DHX35: variants seen among roughly 807,000 people sequenced by gnomAD.
The protein encoded by DHX35 is probable ATP-dependent RNA helicase DHX35.
In DHX35, 84 loss-of-function variants were observed where a neutral mutation model predicts 99.6. The ratio of observed to expected loss-of-function variants is 0.84; its 90% CI spans 0.71 to 1.01. The LOEUF is 1.01. Ranked by LOEUF, DHX35 falls within the 50% of genes least tolerant of loss-of-function variation. The pLI is 0.00. For synonymous variants in DHX35, 331 were observed against 316.2 expected (o/e 1.05, Z -0.50); for missense variants, 852 against 888.5 (o/e 0.96, Z 0.52).
chr20:38,974,684 C>G (rs2086050454), intron 3 of DHX35, among the ~76,000 whole-genome samples: 1 of 152,066 alleles, frequency 6.6e-6, no homozygotes, highest in South Asian at 2.1e-4. Flanking sequence ...CTGATACATG[C>G]AGGAAGGAGA....
intron 13 of DHX35, among the ~76,000 whole-genome samples, chr20:39,014,602 T>G (rs906918530): frequency 5.3e-5 from 8 of 152,046 alleles, no homozygotes; most frequent in Middle Eastern, 3.2e-3. Context: ...AGAGGTAGTT[T>G]AAGATAGGGA....
chr20:39,014,799 G>A (rs2086756380), intron 13 of DHX35, 81 bp from the exon 14 acceptor site: 1 of 1,546,098 alleles, frequency 6.5e-7, no homozygotes, highest in African/African-American at 1.4e-5. Flanking sequence ...AGGGGAGAAT[G>A]GATTTGAAAA....
chr20:38,997,612 C>A (rs757658143), intron 8 of DHX35, among the ~76,000 whole-genome samples: 1 of 152,044 alleles, frequency 6.6e-6, no homozygotes, highest in Non-Finnish European at 1.5e-5. Context: ...CTTATCCTGT[C>A]CTTGCTGCTC....
At chr20:38,978,450 GA>G (rs2086117146) in intron 3 of DHX35, 8 of 571,530 alleles carry the variant, frequency 1.4e-5, no homozygotes, top group Middle Eastern at 5.1e-4. Flanking sequence ...TTAGGTGGGA[GA>G]GAAGGCGGAT....
chr20:39,027,869 T>C (rs1427535131), intron 18 of DHX35, among the ~76,000 whole-genome samples: 1 of 152,224 alleles, frequency 6.6e-6, no homozygotes, highest in Non-Finnish European at 1.5e-5. Flanking sequence ...CCTATGGACA[T>C]CATCTAATAG....
rs553431423 is a variant in DHX35, at chr20:38,979,296, T to G, written c.268-4403T>G. Among the ~76,000 whole-genome samples the G allele has an allele frequency of 7.2e-5, 11 of 152,366 alleles. No homozygotes were observed. The East Asian group carries it at 2.1e-3, about 29-fold the overall frequency. On this transcript the variant is annotated intron_variant, in intron 3 of 21. Coordinates refer to ENST00000252011, the MANE Select transcript of DHX35 (RefSeq NM_021931.4). ...GAGTCAGTTTGCACATAAATCATTT[T>G]GCACACATATAGATATTTTTATAGA...
At chr20:39,021,787 A>G in intron 15 of DHX35, 54 bp from the exon 16 acceptor site, 1 of 1,550,116 alleles carries the variant, frequency 6.5e-7, no homozygotes, top group Non-Finnish European at 8.9e-7. Context: ...AATGTCTTTC[A>G]CTTCTTGTTG....
At chr20:39,002,339 G>A (rs182624746) in intron 9 of DHX35, among the ~76,000 whole-genome samples, 47 of 152,298 alleles carry the variant, frequency 3.1e-4, no homozygotes, top group Admixed American at 9.8e-4. Context: ...ATCCAGAGTC[G>A]TGGACTTGAT....
At chr20:38,981,096 T>G (rs956487279) in intron 3 of DHX35, among the ~76,000 whole-genome samples, 11 of 152,246 alleles carry the variant, frequency 7.2e-5, no homozygotes, top group African/African-American at 2.7e-4. Flanking sequence ...AATGTTGATA[T>G]GTCTTGTCAC....
At position 39,018,831 on chromosome 20, in the gene DHX35, A is replaced by G; in HGVS notation, c.1430A>G (p.Glu477Gly). The G allele has an allele frequency of 6.2e-7, 1 of 1,613,964 alleles. No homozygotes were observed. Among genetic ancestry groups the G allele is most frequent in the Non-Finnish European group, 8.5e-7 (1 of 1,179,912 alleles). Residue 477 changes from glutamate (E) to glycine (G), a missense_variant, in exon 15 of 22, where the codon GAA (glutamate) becomes GGA (glycine). Coordinates refer to ENST00000252011, the MANE Select transcript of DHX35 (RefSeq NM_021931.4). The stretch of plus-strand genomic sequence containing the variant: ...CTGGACAAAGACTGTCGCCTAACTG[A>G]ACCGCTTGGCATGAGAATTGCAGAG... Reference protein sequence around the residue: ...GGLDKDCRLTEPLGMRIAEFP... With the variant: ...GGLDKDCRLTGPLGMRIAEFP...
chr20:38,994,270 A>T (rs1420576746), intron 7 of DHX35, among the ~76,000 whole-genome samples: 1 of 152,092 alleles, frequency 6.6e-6, no homozygotes, highest in Non-Finnish European at 1.5e-5. Context: ...AATCCTTGCC[A>T]ATGGGATAGA....
intron 5 of DHX35, 146 bp from the exon 6 acceptor site, chr20:38,991,308 G>A (rs2086333833): frequency 4.7e-6 from 3 of 635,410 alleles, no homozygotes; most frequent in African/African-American, 1.9e-5. Context: ...GCTTGATAAC[G>A]AAAATATGGG....
At chr20:39,010,502 C>T in intron 13 of DHX35, 98 bp downstream of exon 13, 4 of 1,501,770 alleles carry the variant, frequency 2.7e-6, no homozygotes, top group Non-Finnish European at 2.7e-6. Flanking sequence ...TCCTTTTTTT[C>T]CCTACTCAGG....
chr20:39,004,122 G>A lies in DHX35; in HGVS notation c.1011+215G>A, dbSNP rs536171698. ...CTGTTGCCCAGGCTGGAGTGCAGTG[G>A]CGCGATCTCAGCTCACTGCAAGCTC... On this transcript the variant is annotated intron_variant, in intron 11 of 21. Transcript: ENST00000252011. Among the ~76,000 whole-genome samples the A allele has an allele frequency of 2.6e-3, 393 of 152,140 alleles. 1 individual carries two copies. Among genetic ancestry groups the A allele is most frequent in the African/African-American group, 9.1e-3 (377 of 41,510 alleles).
chr20:39,013,097 A>T (rs1342630705), intron 13 of DHX35, among the ~76,000 whole-genome samples: 1 of 152,152 alleles, frequency 6.6e-6, no homozygotes. Context: ...AAATAATGAA[A>T]ATTATCGTAA....
intron 8 of DHX35, among the ~76,000 whole-genome samples, chr20:38,996,303 ACTTTG>A (rs1269102029): frequency 7.9e-5 from 12 of 152,152 alleles, no homozygotes; most frequent in Non-Finnish European, 1.8e-4. Context: ...GAAGATCAGG[ACTTTG>A]TCTTATTTTA....
In DHX35 at chr20:38,972,598, A is replaced by T; in HGVS notation, c.214A>T (p.Thr72Ser). Residue 72 changes from threonine (T) to serine (S), a missense_variant, in exon 3 of 22, where the codon ACA becomes TCA. Thr to Ser is a moderately conservative substitution (Grantham distance 58). Transcript: ENST00000252011. ...HILYLIENYQ[T>S]VVIVGETGCG... ...TTTATACTTGATAGAAAATTATCAG[A>T]CAGTGGTGATTGTTGGTGAAACAGG... The T allele has an allele frequency of 6.2e-7, 1 of 1,613,022 alleles. No homozygotes were observed. The highest frequency in any genetic ancestry group is 8.5e-7 in the Non-Finnish European group (1 of 1,179,076).
chr20:39,018,980 G>A (rs2086831397), intron 15 of DHX35, 81 bp downstream of exon 15: 1 of 1,295,574 alleles, frequency 7.7e-7, no homozygotes, highest in Admixed American at 1.7e-5. Flanking sequence ...GCACCCTGGG[G>A]AAGAGGGTAC....
intron 20 of DHX35, 35 bp from the exon 21 acceptor site, chr20:39,034,171 G>A: frequency 6.6e-7 from 1 of 1,504,974 alleles, no homozygotes; most frequent in Non-Finnish European, 9.2e-7. Context: ...CATCACAAGA[G>A]GGGGAAATTA....
Sources: gnomAD v4.1 joint callset for allele counts (sites outside exome capture counted in the v4.1 genomes callset) on GRCh38, gnomAD v4.1.1 for gene constraint, MANE v1.5 for transcripts, NCBI Gene and HGNC (gene_info 2026-07-23, HGNC 2026-07-21) for gene names.